Variants in CHSY3 observed in about 807,000 individuals in gnomAD.
The protein encoded by CHSY3 is chondroitin sulfate synthase 3.
A neutral mutation model predicts 67.2 loss-of-function variants in CHSY3; 35 were observed. The observed-to-expected ratio is 0.52, with a 90% CI of 0.40 to 0.69. CHSY3 has a LOEUF of 0.69. Ranked by LOEUF, CHSY3 falls within the 30% of genes least tolerant of loss-of-function variation. The pLI is 0.00. For synonymous variants in CHSY3, 474 were observed against 434.7 expected (o/e 1.09, Z -1.12); for missense variants, 1,069 against 1,138.5 (o/e 0.94, Z 0.88).
chr5:129,989,270 T>TTTC (rs1554074960), intron 2 of CHSY3, among the ~76,000 whole-genome samples: 1 of 150,372 alleles, frequency 6.7e-6, no homozygotes, highest in African/African-American at 2.4e-5. Flanking sequence ...TTCTTTTTTT[T>TTTC]TTTTTTTTGA....
At chr5:130,071,540 TGTG>T (rs1561523298) in intron 2 of CHSY3, among the ~76,000 whole-genome samples, 11 of 105,998 alleles carry the variant, frequency 1.0e-4, no homozygotes, top group African/African-American at 4.8e-4. Flanking sequence ...TAGTTCATTG[TGTG>T]TGTGTGTGTG....
At chr5:130,113,113 T>A (rs114998111) in intron 2 of CHSY3, among the ~76,000 whole-genome samples, 89,033 of 151,324 alleles carry the variant, frequency 0.59, 27,325 homozygotes, top group African/African-American at 0.76. Context: ...ATATAATACG[T>A]GTGTGTGTGT....
At chr5:129,975,938 G>C (rs1331152710) in intron 2 of CHSY3, among the ~76,000 whole-genome samples, 1 of 152,104 alleles carries the variant, frequency 6.6e-6, no homozygotes, top group African/African-American at 2.4e-5. Context: ...GATGCATGCA[G>C]AGTTGAAGTA....
chr5:130,125,440 TAGATAGATAGATAGAC>T (rs928546244), intron 2 of CHSY3, among the ~76,000 whole-genome samples: 3 of 151,766 alleles, frequency 2.0e-5, no homozygotes, highest in Admixed American at 1.3e-4. Context: ...GATAGATAGA[TAGATAGATAGATAGAC>T]AGACAGACAG....
chr5:130,109,352 G>A (rs1417450508), intron 2 of CHSY3, among the ~76,000 whole-genome samples: 2 of 151,596 alleles, frequency 1.3e-5, no homozygotes, highest in East Asian at 1.9e-4. Flanking sequence ...CCACTAGGGG[G>A]TGATCTCCTA....
intron 2 of CHSY3, among the ~76,000 whole-genome samples, chr5:130,037,850 A>C (rs1411327995): frequency 6.6e-6 from 1 of 152,104 alleles, no homozygotes; most frequent in Non-Finnish European, 1.5e-5. Context: ...CAGCCATTTG[A>C]TCACATATAG....
intron 2 of CHSY3, among the ~76,000 whole-genome samples, chr5:129,989,067 T>G (rs1763283010): frequency 6.6e-6 from 1 of 152,196 alleles, no homozygotes; most frequent in Non-Finnish European, 1.5e-5. Flanking sequence ...GTTCCTGTCT[T>G]AGTTTGTTTA....
intron 2 of CHSY3, among the ~76,000 whole-genome samples, chr5:130,162,866 A>G (rs1461756816): frequency 1.3e-5 from 2 of 152,218 alleles, no homozygotes; most frequent in South Asian, 2.1e-4. Flanking sequence ...AATAAATTAC[A>G]TAGCCGCAAT....
intron 2 of CHSY3, among the ~76,000 whole-genome samples, chr5:130,061,762 A>G (rs1421869844): frequency 6.6e-6 from 1 of 152,156 alleles, no homozygotes; most frequent in Non-Finnish European, 1.5e-5. Flanking sequence ...TCATTCCTCC[A>G]AAGAAGAAGT....
chr5:130,179,760 A>G (rs1770191133), intron 2 of CHSY3, among the ~76,000 whole-genome samples: 2 of 151,488 alleles, frequency 1.3e-5, no homozygotes, highest in South Asian at 4.2e-4. Context: ...TGTCAGTGTT[A>G]CACTATTTTT....
At chr5:130,051,594 G>A (rs1765360506) in intron 2 of CHSY3, among the ~76,000 whole-genome samples, 1 of 152,024 alleles carries the variant, frequency 6.6e-6, no homozygotes, top group South Asian at 2.1e-4. Flanking sequence ...GGATGGGACA[G>A]GGACATTTCC....
intron 2 of CHSY3, among the ~76,000 whole-genome samples, chr5:129,923,021 A>G (rs1331252108): frequency 1.3e-5 from 2 of 152,230 alleles, no homozygotes; most frequent in Admixed American, 6.5e-5. Context: ...TGGCTGGAGC[A>G]TAGAAGGATG....
At chr5:129,933,871 A>G (rs6862574) in intron 2 of CHSY3, among the ~76,000 whole-genome samples, 73,860 of 151,902 alleles carry the variant, frequency 0.49, 18,786 homozygotes, top group Middle Eastern at 0.59. Flanking sequence ...AATTTCTTTA[A>G]AGATAGTAAT....
In CHSY3 at chr5:130,100,521, G is replaced by A. The variant is rs140219585; in HGVS notation, c.1087-83708G>A. Among the ~76,000 whole-genome samples, 294 of 152,196 alleles carry A rather than the reference G, an allele frequency of 1.9e-3. 2 individuals are homozygous for A. Among genetic ancestry groups the A allele is most frequent in the African/African-American group, 5.6e-3 (234 of 41,534 alleles). On this transcript the variant is annotated intron_variant, in intron 2 of 2. Coordinates refer to ENST00000305031, the MANE Select transcript of CHSY3 (RefSeq NM_175856.5). The stretch of plus-strand genomic sequence containing the variant: ...TGCTCATACACACCTATTTATCAAA[G>A]TATCCGATTGTCAGCAGATTATTGA...
At chr5:129,961,984 C>T (rs1337689317) in intron 2 of CHSY3, among the ~76,000 whole-genome samples, 1 of 151,990 alleles carries the variant, frequency 6.6e-6, no homozygotes, top group East Asian at 1.9e-4. Flanking sequence ...ACTATCCATA[C>T]CTGCAGCCAA....
In CHSY3 at chr5:129,932,140, A is replaced by ATATATATATATG. The variant is rs1183646627; in HGVS notation, c.1086+23783_1086+23784insATATATATGTAT. ...TATATATATATATATATATATATAT[A>ATATATATATATG]TATGTATATGAGAGTTAGCTATCTA... On this transcript the variant is annotated intron_variant, in intron 2 of 2. Transcript: ENST00000305031. Among the ~76,000 whole-genome samples, 99 of 136,340 alleles carry ATATATATATATG rather than the reference A, an allele frequency of 7.3e-4. 3 individuals are homozygous for ATATATATATATG. The highest frequency in any genetic ancestry group is 2.7e-3 in the African/African-American group (93 of 33,926). The allele number at this position is 136,340 out of a possible 152,430, so 89.4% of individuals were successfully genotyped here.
intron 2 of CHSY3, among the ~76,000 whole-genome samples, chr5:129,986,387 T>A (rs1431732265): frequency 6.6e-6 from 1 of 152,110 alleles, no homozygotes; most frequent in Non-Finnish European, 1.5e-5. Flanking sequence ...TACTTGTATG[T>A]GGTGGATTAG....
chr5:129,919,745 C>G (rs1192578258), intron 2 of CHSY3, among the ~76,000 whole-genome samples: 1 of 152,090 alleles, frequency 6.6e-6, no homozygotes, highest in Non-Finnish European at 1.5e-5. Flanking sequence ...GGGACACAGC[C>G]AAACCATATC....
At chr5:130,153,953 T>C (rs1454372223) in intron 2 of CHSY3, among the ~76,000 whole-genome samples, 1 of 152,140 alleles carries the variant, frequency 6.6e-6, no homozygotes, top group African/African-American at 2.4e-5. Context: ...AGTCTCACAC[T>C]GTTGCCCAGG....
Sources: gnomAD v4.1 joint callset for allele counts (sites outside exome capture counted in the v4.1 genomes callset) on GRCh38, gnomAD v4.1.1 for gene constraint, MANE v1.5 for transcripts, NCBI Gene and HGNC (gene_info 2026-07-23, HGNC 2026-07-21) for gene names.